Variants in R3HDM1 observed in about 807,000 individuals in gnomAD.
The protein encoded by R3HDM1 is R3H domain containing 1.
R3HDM1 carries 46 observed loss-of-function variants against 141.1 expected under a neutral mutation model. The ratio of observed to expected loss-of-function variants is 0.33; its 90% confidence interval spans 0.26 to 0.42. The LOEUF (loss-of-function observed/expected upper bound fraction) is 0.42, where lower values mean the gene tolerates loss of function less well. R3HDM1 is among the 10% of genes least tolerant of loss of function. R3HDM1 has a pLI of 1.00. For synonymous variants in R3HDM1, 435 were observed against 472.9 expected (o/e 0.92, Z 1.04); for missense variants, 1,184 against 1,368.3 (o/e 0.87, Z 2.12).
chr2:135,587,115 A>C (rs2105048199), intron 1 of R3HDM1: 1 of 520,668 alleles, frequency 1.9e-6, no homozygotes, highest in East Asian at 1.5e-4. Context: ...AAGAGAGCAA[A>C]TGCTAATCAA....
intron 24 of R3HDM1, among the ~76,000 whole-genome samples, chr2:135,717,139 C>T (rs1466544346): frequency 1.3e-5 from 2 of 152,110 alleles, no homozygotes; most frequent in African/African-American, 4.8e-5. Context: ...ACTTCACACC[C>T]ATTAGAATGG....
At position 135,710,102 on chromosome 2, in the gene R3HDM1, G is replaced by T. The variant is rs2075447240; in HGVS notation, c.2607G>T (p.Gln869His). 1 of 1,614,036 alleles carries T rather than the reference G, an allele frequency of 6.2e-7. No homozygotes were observed. Among genetic ancestry groups the T allele is most frequent in the South Asian group, 1.1e-5 (1 of 91,084 alleles). ...PPPGGGMVMMQLSVPNNPQSC... is the reference protein window; with the variant it reads ...PPPGGGMVMMHLSVPNNPQSC... Reference sequence around the variant, plus strand: ...CTGGTGGGGGGATGGTGATGATGCAGCTCAGTGTACCAAACAATCCACAAT... The same window carrying T: ...CTGGTGGGGGGATGGTGATGATGCATCTCAGTGTACCAAACAATCCACAAT... The change falls in exon 23 of 27, where the codon CAG (glutamine) becomes CAT (histidine). Residue 869 changes from glutamine to histidine, a missense_variant. By Grantham distance (24) the Gln-to-His change is conservative. Transcript: ENST00000683871.
chr2:135,680,126 G>A (rs1371480737), intron 20 of R3HDM1, 47 bp from the exon 21 acceptor site: 5 of 1,551,312 alleles, frequency 3.2e-6, no homozygotes, highest in Non-Finnish European at 4.4e-6. Context: ...CATTTACAAG[G>A]CCTTGAAAAA....
intron 1 of R3HDM1, among the ~76,000 whole-genome samples, chr2:135,539,935 CA>C (rs138081389): frequency 0.011 from 1,728 of 152,258 alleles, 34 homozygotes; most frequent in African/African-American, 0.04. Flanking sequence ...CGTTGATGGA[CA>C]CTTCCTTTCA....
At position 135,719,004 on chromosome 2, in the gene R3HDM1, C is replaced by T. The variant is rs1266046145; in HGVS notation, c.2882-2920C>T. Among the ~76,000 whole-genome samples, 5 of 152,008 alleles carry T rather than the reference C, an allele frequency of 3.3e-5. No individual in the cohort carries two copies. The East Asian group carries it at 5.8e-4, about 18-fold the overall frequency. On this transcript the variant is annotated intron_variant, in intron 24 of 26. Coordinates refer to ENST00000683871, the MANE Select transcript of R3HDM1 (RefSeq NM_001378107.1). ...ATTAAAAATACAAAAAAAAATTAGCCGGGCATGGTGGCGCACGCCTGTAAT... is the reference window on the plus strand; with the variant it reads ...ATTAAAAATACAAAAAAAAATTAGCTGGGCATGGTGGCGCACGCCTGTAAT...
chr2:135,649,633 C>T (rs1326489346), intron 16 of R3HDM1, among the ~76,000 whole-genome samples: 1 of 151,982 alleles, frequency 6.6e-6, no homozygotes, highest in Non-Finnish European at 1.5e-5. Context: ...CACCTGTTCC[C>T]GTTAATCTAT....
At chr2:135,536,115 G>A (rs1199012063) in intron 1 of R3HDM1, among the ~76,000 whole-genome samples, 4 of 152,070 alleles carry the variant, frequency 2.6e-5, no homozygotes, top group Non-Finnish European at 5.9e-5. Context: ...TAGGCAAGGT[G>A]TAAGGTTTTT....
chr2:135,697,751 A>G (rs2073478599), intron 21 of R3HDM1, among the ~76,000 whole-genome samples: 1 of 152,156 alleles, frequency 6.6e-6, no homozygotes, highest in African/African-American at 2.4e-5. Context: ...TTATACAAGA[A>G]ATAAAAAGCA....
Position 135,573,406 on chromosome 2 carries a change from GC to G in R3HDM1, c.-249-29093del, listed in dbSNP as rs548280128. 9.9e-5 allele frequency among the ~76,000 whole-genome samples: 15 copies of G among 152,222 alleles called. No individual in the cohort carries two copies. The East Asian group carries it at 2.7e-3, about 27-fold the overall frequency. ...TGTGATCTCTTCATACTCCCATTCA[GC>G]TCCTGCCTGCCGCAAGACTTTGTGG... On this transcript the variant is annotated intron_variant, in intron 1 of 26. Transcript: ENST00000683871.
chr2:135,575,244 A>T (rs572473247), intron 1 of R3HDM1, among the ~76,000 whole-genome samples: 1 of 152,338 alleles, frequency 6.6e-6, no homozygotes, highest in Admixed American at 6.5e-5. Context: ...GTGCAATGGC[A>T]CAATCTTGGC....
chr2:135,595,775 C>T (rs1001599574), intron 1 of R3HDM1, among the ~76,000 whole-genome samples: 1 of 152,130 alleles, frequency 6.6e-6, no homozygotes, highest in Non-Finnish European at 1.5e-5. Context: ...TACATAGTAT[C>T]CAGTCTGGAG....
At chr2:135,702,217 GAAAA>G (rs35183953) in intron 21 of R3HDM1, among the ~76,000 whole-genome samples, 2 of 120,868 alleles carry the variant, frequency 1.7e-5, no homozygotes, top group African/African-American at 3.9e-5. Flanking sequence ...GTCTCAGGGG[GAAAA>G]AAAAAAAAAA....
At chr2:135,701,484 T>C (rs1009659360) in intron 21 of R3HDM1, among the ~76,000 whole-genome samples, 7 of 152,164 alleles carry the variant, frequency 4.6e-5, no homozygotes, top group Admixed American at 2.0e-4. Context: ...ATGAAATGCA[T>C]ATGTGATGAG....
At chr2:135,699,008 T>TAGAC (rs1559465199) in intron 21 of R3HDM1, among the ~76,000 whole-genome samples, 1 of 113,386 alleles carries the variant, frequency 8.8e-6, no homozygotes, top group Non-Finnish European at 2.1e-5. Context: ...GATAGATAGA[T>TAGAC]AGATAGATAG....
intron 16 of R3HDM1, among the ~76,000 whole-genome samples, chr2:135,646,058 A>C (rs549669696): frequency 6.6e-6 from 1 of 152,174 alleles, no homozygotes; most frequent in Non-Finnish European, 1.5e-5. Flanking sequence ...TTTCACATTC[A>C]GTCTTTTTCC....
chr2:135,691,722 G>A (rs571746769), intron 21 of R3HDM1, among the ~76,000 whole-genome samples: 2 of 152,118 alleles, frequency 1.3e-5, no homozygotes, highest in South Asian at 4.2e-4. Flanking sequence ...GAACCTGGGA[G>A]GCAGAGGCTG....
chr2:135,695,023 CT>C (rs1383900442), intron 21 of R3HDM1, among the ~76,000 whole-genome samples: 2 of 152,152 alleles, frequency 1.3e-5, no homozygotes, highest in Non-Finnish European at 2.9e-5. Context: ...AGATTAAAGG[CT>C]GCTCTGTTTG....
intron 18 of R3HDM1, among the ~76,000 whole-genome samples, chr2:135,660,662 G>A (rs549966950): frequency 7.9e-5 from 12 of 151,968 alleles, no homozygotes; most frequent in Non-Finnish European, 7.4e-5. Flanking sequence ...CCTGGCCAAC[G>A]TGGTGAAACC....
intron 7 of R3HDM1, among the ~76,000 whole-genome samples, chr2:135,627,823 T>C (rs935275887): frequency 2.6e-5 from 4 of 152,252 alleles, no homozygotes; most frequent in East Asian, 1.9e-4. Context: ...ATATGAAACA[T>C]TGGGTGGAGG....
Sources: allele counts gnomAD v4.1 joint callset (sites outside exome capture counted in the v4.1 genomes callset), GRCh38; gene constraint gnomAD v4.1.1; transcripts MANE v1.5; gene names NCBI Gene and HGNC (gene_info 2026-07-23, HGNC 2026-07-21).